The following CDKL3 variants were observed in gnomAD, a reference collection of about 807,000 sequenced individuals.
The protein encoded by CDKL3 is cyclin-dependent kinase-like 3.
A neutral mutation model predicts 69.3 loss-of-function variants in CDKL3; 65 were observed. The observed-to-expected ratio is 0.94, with a 90% CI of 0.77 to 1.15. CDKL3 has a LOEUF of 1.15. CDKL3 is among the 50% of genes most tolerant of loss of function. The probability of loss-of-function intolerance (pLI) is 0.00; values close to 1 mark genes in which losing one functional copy is unlikely to be tolerated. For synonymous variants in CDKL3, 202 were observed against 221.6 expected (o/e 0.91, Z 0.79); for missense variants, 652 against 689.2 (o/e 0.95, Z 0.61).
upstream of CDKL3, chr5:134,367,283 GA>G: frequency 1.0e-6 from 1 of 985,376 alleles, no homozygotes; most frequent in Non-Finnish European, 1.2e-6. Flanking sequence ...CTGTGCTTGG[GA>G]ATGGGGGAGG....
intron 3 of CDKL3, among the ~76,000 whole-genome samples, chr5:134,356,465 C>T (rs1180205313): frequency 6.6e-6 from 1 of 152,160 alleles, no homozygotes; most frequent in Admixed American, 6.5e-5. Context: ...ACTTATTAAC[C>T]TGTGAATTTA....
intron 12 of CDKL3, among the ~76,000 whole-genome samples, chr5:134,300,965 C>T (rs1766151152): frequency 6.6e-6 from 1 of 151,856 alleles, no homozygotes; most frequent in Non-Finnish European, 1.5e-5. Flanking sequence ...CACCTTATTA[C>T]TTTTTATAAT....
intron 12 of CDKL3, 135 bp downstream of exon 12, chr5:134,302,455 T>C (rs1008752896): frequency 8.2e-6 from 5 of 611,826 alleles, no homozygotes; most frequent in African/African-American, 7.5e-5. Flanking sequence ...AAAATATAGA[T>C]CTGTTTCTTT....
rs751133690 is a variant in CDKL3, at chr5:134,350,325, C to T, written c.463G>A (p.Asp155Asn). ...GFARTLAAPG[D>N]IYTDYVATRW... ...GTGGCCACATAGTCCGTATAAATGT[C>T]CCCAGGAGCTGCTAGTGTTCGTGCA... is the stretch of plus-strand genomic sequence containing the variant. Residue 155 changes from aspartate to asparagine, a missense_variant, in exon 4 of 13, where the codon GAC becomes AAC. Asp to Asn is a conservative substitution (Grantham distance 23). Transcript: ENST00000265334. 4 of 1,594,352 alleles carry T rather than the reference C, an allele frequency of 2.5e-6. No individual in the cohort carries two copies. Among genetic ancestry groups the T allele is most frequent in the Non-Finnish European group, 3.4e-6 (4 of 1,170,012 alleles).
At chr5:134,295,454 A>C (rs934411422), downstream of CDKL3, among the ~76,000 whole-genome samples, 1 of 152,206 alleles carries the variant, frequency 6.6e-6, no homozygotes, top group Non-Finnish European at 1.5e-5. Context: ...ATCAACAAAT[A>C]TATGAATACA....
At chr5:134,294,779 C>A (rs1765274599), downstream of CDKL3, among the ~76,000 whole-genome samples, 1 of 152,008 alleles carries the variant, frequency 6.6e-6, no homozygotes, top group Non-Finnish European at 1.5e-5. Context: ...AAGATCAACA[C>A]AGAAAAACAA....
chr5:134,365,756 C>G, intron 2 of CDKL3, among the ~76,000 whole-genome samples: 1 of 152,314 alleles, frequency 6.6e-6, no homozygotes, highest in African/African-American at 2.4e-5. Context: ...TCTACAGGCA[C>G]ATGTCTTTGC....
intron 12 of CDKL3, 31 bp from the exon 13 acceptor site, chr5:134,298,741 A>G: frequency 6.3e-7 from 1 of 1,598,604 alleles, no homozygotes; most frequent in Non-Finnish European, 8.5e-7. Flanking sequence ...AGTAAGAATC[A>G]GGGACTGGAA....
intron 4 of CDKL3, among the ~76,000 whole-genome samples, chr5:134,336,797 G>A (rs762943046): frequency 1.3e-5 from 2 of 152,212 alleles, no homozygotes; most frequent in Non-Finnish European, 2.9e-5. Flanking sequence ...GGACCCACTT[G>A]AGGAGGCAGT....
chr5:134,353,647 G>A (rs978510958), intron 3 of CDKL3, among the ~76,000 whole-genome samples: 1 of 151,796 alleles, frequency 6.6e-6, no homozygotes, highest in Admixed American at 6.6e-5. Context: ...TGGCTCCCGG[G>A]TTCAAGCTAT....
chr5:134,304,824 TA>T (rs1767310342), intron 10 of CDKL3, among the ~76,000 whole-genome samples: 1 of 147,294 alleles, frequency 6.8e-6, no homozygotes, highest in African/African-American at 2.5e-5. Context: ...ATAATAATAA[TA>T]ATAATAATAT....
At chr5:134,305,797 A>G (rs560839334) in intron 10 of CDKL3, among the ~76,000 whole-genome samples, 4 of 152,208 alleles carry the variant, frequency 2.6e-5, no homozygotes, top group African/African-American at 9.6e-5. Flanking sequence ...GAATAAATCA[A>G]TTTCCTATGT....
chr5:134,347,559 T>C (rs1227999347), intron 4 of CDKL3, among the ~76,000 whole-genome samples: 1 of 151,968 alleles, frequency 6.6e-6, no homozygotes, highest in Non-Finnish European at 1.5e-5. Flanking sequence ...AGTGGAATAT[T>C]ATTCAGCCAT....
At chr5:134,294,569 T>C (rs919230561), downstream of CDKL3, among the ~76,000 whole-genome samples, 3 of 152,058 alleles carry the variant, frequency 2.0e-5, no homozygotes, top group African/African-American at 4.8e-5. Context: ...TATTATTATC[T>C]GCAGATGTCA....
At chr5:134,289,286 T>C (rs1023758898) in intron 8 of CDKL3, among the ~76,000 whole-genome samples, 6 of 151,654 alleles carry the variant, frequency 4.0e-5, no homozygotes, top group African/African-American at 1.5e-4. Context: ...AGAGAGAAAT[T>C]AAAGAAACCA....
intron 4 of CDKL3, among the ~76,000 whole-genome samples, chr5:134,338,734 G>A (rs953967304): frequency 6.6e-6 from 1 of 151,406 alleles, no homozygotes; most frequent in Non-Finnish European, 1.5e-5. Flanking sequence ...AATTATTAAA[G>A]AAATTAAAAT....
chr5:134,347,886 G>C (rs181743057), intron 4 of CDKL3, among the ~76,000 whole-genome samples: 1 of 152,064 alleles, frequency 6.6e-6, no homozygotes, highest in Non-Finnish European at 1.5e-5. Context: ...AGGAAACGGA[G>C]AGTTACAGTG....
chr5:134,362,178 TCTCA>T (rs1332206800), intron 2 of CDKL3, among the ~76,000 whole-genome samples: 29 of 152,310 alleles, frequency 1.9e-4, no homozygotes, highest in African/African-American at 6.3e-4. Flanking sequence ...CTACAGATAT[TCTCA>T]CTAATTACTC....
chr5:134,371,612 G>A, upstream of CDKL3: 1 of 1,613,022 alleles, frequency 6.2e-7, no homozygotes, highest in South Asian at 1.1e-5. Flanking sequence ...ACCCCGGCCC[G>A]GAGGAGGCTC....
Sources: allele counts gnomAD v4.1 joint callset (sites outside exome capture counted in the v4.1 genomes callset), GRCh38; gene constraint gnomAD v4.1.1; transcripts MANE v1.5; gene names NCBI Gene and HGNC (gene_info 2026-07-23, HGNC 2026-07-21).